Variants in EEF2K observed in about 807,000 individuals in gnomAD.
EEF2K encodes the protein alternative protein EEF2K.
EEF2K carries 70 observed loss-of-function variants against 93.8 expected under a neutral mutation model. That is an observed-to-expected ratio of 0.75 (90% CI 0.62 to 0.91). The LOEUF (loss-of-function observed/expected upper bound fraction) is 0.91. Among genes scored for constraint, EEF2K ranks in the 40% least tolerant of loss-of-function variants. The pLI is 0.00. For synonymous variants in EEF2K, 376 were observed against 380.8 expected, an observed-to-expected ratio of 0.99 and a Z score of 0.15; for missense variants, 935 against 972.9, an observed-to-expected ratio of 0.96 and a Z score of 0.52.
At position 22,260,487 on chromosome 16, in the gene EEF2K, TAA is replaced by T; in HGVS notation, c.1258_1259del (p.Asn420HisfsTer7). On this transcript the variant is annotated frameshift_variant, in exon 11 of 18. Transcript: ENST00000263026. LOFTEE classifies it high-confidence loss of function. ...LHWPVFSDLD[N>X]MASRDHDHLD... ...ATTGGCCAGTGTTCAGTGACCTCGA[TAA>T]CATGGCATCCAGAGACCATGATCAT... is the stretch of plus-strand genomic sequence containing the variant. 6.2e-7 allele frequency: 1 copy of T among 1,614,150 alleles called. No homozygotes were observed. The highest frequency in any genetic ancestry group is 8.5e-7 in the Non-Finnish European group (1 of 1,180,020).
chr16:22,270,860 G>A (rs2047572766), intron 15 of EEF2K, among the ~76,000 whole-genome samples: 1 of 151,742 alleles, frequency 6.6e-6, no homozygotes, highest in Non-Finnish European at 1.5e-5. Context: ...GAGGAGGTTT[G>A]GTTGGAAGAG....
chr16:22,237,531 G>A lies in EEF2K; in HGVS notation c.247-7099G>A, dbSNP rs771502559. On this transcript the variant is annotated intron_variant, in intron 2 of 17. Transcript: ENST00000263026. The stretch of plus-strand genomic sequence containing the variant: ...CGTGTGCCCATAGGCCCAGCTACCC[G>A]GGAGGTTGAGGTGGAGGTTGAGGTT... 2.4e-4 allele frequency among the ~76,000 whole-genome samples: 37 copies of A among 151,804 alleles called. 1 individual carries two copies. Among genetic ancestry groups the A allele is most frequent in the Admixed American group, 2.2e-3 (33 of 15,232 alleles).
chr16:22,223,764 G>A (rs900639213), intron 1 of EEF2K, among the ~76,000 whole-genome samples: 1 of 152,214 alleles, frequency 6.6e-6, no homozygotes, highest in Admixed American at 6.5e-5. Flanking sequence ...TTATTTTTGT[G>A]TGTTTGTGGG....
intron 2 of EEF2K, among the ~76,000 whole-genome samples, chr16:22,233,687 C>A (rs1464849074): frequency 6.6e-6 from 1 of 152,088 alleles, no homozygotes; most frequent in Non-Finnish European, 1.5e-5. Context: ...CTCTCCCCTG[C>A]CCCCTGGCAA....
chr16:22,248,512 G>T (rs1439826307), intron 3 of EEF2K, among the ~76,000 whole-genome samples: 1 of 152,154 alleles, frequency 6.6e-6, no homozygotes, highest in East Asian at 1.9e-4. Flanking sequence ...ATATGGAAAT[G>T]GGGGACATGG....
At chr16:22,277,210 C>T (rs1328407612) in intron 16 of EEF2K, among the ~76,000 whole-genome samples, 1 of 152,166 alleles carries the variant, frequency 6.6e-6, no homozygotes, top group Non-Finnish European at 1.5e-5. Flanking sequence ...AATCATAGCT[C>T]ACTGTAGTCT....
At chr16:22,278,972 A>C (rs890842336) in intron 16 of EEF2K, among the ~76,000 whole-genome samples, 1 of 152,138 alleles carries the variant, frequency 6.6e-6, no homozygotes, top group Non-Finnish European at 1.5e-5. Flanking sequence ...CGCACAGCAG[A>C]GCATACGGTG....
chr16:22,282,685 T>C (rs1437291856), intron 17 of EEF2K, among the ~76,000 whole-genome samples: 1 of 152,256 alleles, frequency 6.6e-6, no homozygotes, highest in Non-Finnish European at 1.5e-5. Flanking sequence ...CACCAAGGCC[T>C]GTGCCAGATG....
Position 22,286,123 on chromosome 16 carries a change from A to G in EEF2K, c.*2127A>G, listed in dbSNP as rs542023678. 1 of 152,348 alleles carries G rather than the reference A, an allele frequency of 6.6e-6. No homozygotes were observed. The highest frequency in any genetic ancestry group is 2.1e-4 in the South Asian group (1 of 4,828). The allele number at this position is 152,348 out of a possible 1,614,324, so 9.4% of individuals were successfully genotyped here. ...TTGAAAAAAATCCCTTGGACCACCCATAAATGACAGTGACTTTTTCAATAT... is the reference window on the plus strand; with the variant it reads ...TTGAAAAAAATCCCTTGGACCACCCGTAAATGACAGTGACTTTTTCAATAT... On this transcript the variant is annotated 3_prime_UTR_variant, in exon 18 of 18. Coordinates refer to ENST00000263026, the MANE Select transcript of EEF2K (RefSeq NM_013302.5).
intron 1 of EEF2K, among the ~76,000 whole-genome samples, chr16:22,218,953 AG>A (rs1375658184): frequency 1.1e-4 from 17 of 149,560 alleles, no homozygotes; most frequent in Middle Eastern, 3.2e-3. Flanking sequence ...AAAAAAAAAA[AG>A]AGAAAAAAGA....
chr16:22,211,008 T>C (rs2046908626), intron 1 of EEF2K, among the ~76,000 whole-genome samples: 1 of 152,146 alleles, frequency 6.6e-6, no homozygotes, highest in Non-Finnish European at 1.5e-5. Context: ...GTACAAGTTA[T>C]TTGTGCTCTT....
In EEF2K at chr16:22,257,642, G is replaced by C; in HGVS notation, c.902-1G>C. The C allele has an allele frequency of 1.2e-6, 2 of 1,612,856 alleles. No individual in the cohort carries two copies. Among genetic ancestry groups the C allele is most frequent in the Non-Finnish European group, 1.7e-6 (2 of 1,180,008 alleles). ...TCCAGACACCCCCGCTCTGTCCACA[G>C]GTGTCCGCGGGATGGCGCTCTTCTT... On this transcript the variant is annotated splice_acceptor_variant, in intron 8 of 17. Coordinates refer to ENST00000263026, the MANE Select transcript of EEF2K (RefSeq NM_013302.5). LOFTEE classifies it high-confidence loss of function.
chr16:22,238,372 C>T (rs976393473), intron 2 of EEF2K, among the ~76,000 whole-genome samples: 1 of 152,122 alleles, frequency 6.6e-6, no homozygotes, highest in African/African-American at 2.4e-5. Context: ...CATCCCCCTA[C>T]AGATGGGCAG....
At chr16:22,215,706 C>G (rs1248999855) in intron 1 of EEF2K, among the ~76,000 whole-genome samples, 1 of 152,108 alleles carries the variant, frequency 6.6e-6, no homozygotes, top group Non-Finnish European at 1.5e-5. Flanking sequence ...GGGTGGATCA[C>G]TTGAGGTCAG....
chr16:22,248,837 G>C, intron 4 of EEF2K, 22 bp downstream of exon 4: 2 of 1,613,244 alleles, frequency 1.2e-6, no homozygotes, highest in Non-Finnish European at 1.7e-6. Flanking sequence ...GTTGAGCCCC[G>C]TGGGGACAGG....
intron 1 of EEF2K, among the ~76,000 whole-genome samples, chr16:22,222,043 C>T (rs750132243): frequency 2.6e-5 from 4 of 152,058 alleles, no homozygotes; most frequent in Non-Finnish European, 5.9e-5. Context: ...CCACTCCAGC[C>T]TGGGCAACAG....
intron 2 of EEF2K, among the ~76,000 whole-genome samples, chr16:22,243,790 G>C (rs1438104384): frequency 6.6e-6 from 1 of 151,262 alleles, no homozygotes; most frequent in Non-Finnish European, 1.5e-5. Flanking sequence ...AGGTATAGTG[G>C]TGTGCACCTG....
Position 22,250,645 on chromosome 16 carries a change from G to A in EEF2K, c.409-9G>A, listed in dbSNP as rs1462112245. 1.2e-6 allele frequency: 2 copies of A among 1,614,216 alleles called. No homozygotes were observed. The highest frequency in any genetic ancestry group is 2.2e-5 in the South Asian group (2 of 91,086). ...GGGGACTGATAACACTCTGTGTGGT[G>A]TCTTTCAGCCCTTCGGCCGAGGAGC... On this transcript the variant is annotated splice_polypyrimidine_tract_variant and intron_variant, in intron 4 of 17. Coordinates refer to ENST00000263026, the MANE Select transcript of EEF2K (RefSeq NM_013302.5).
At chr16:22,226,280 C>CA (rs1448835511) in intron 2 of EEF2K, among the ~76,000 whole-genome samples, 1 of 147,396 alleles carries the variant, frequency 6.8e-6, no homozygotes, top group Non-Finnish European at 1.5e-5. Context: ...TCTTTAGAGA[C>CA]AGAGTTCTCC....
Sources: allele counts gnomAD v4.1 joint callset (sites outside exome capture counted in the v4.1 genomes callset), GRCh38; gene constraint gnomAD v4.1.1; transcripts MANE v1.5; gene names NCBI Gene and HGNC (gene_info 2026-07-23, HGNC 2026-07-21).